SVIL: variants seen among roughly 807,000 people sequenced by gnomAD.
SVIL encodes supervillin, also known as archvillin.
SVIL carries 101 observed loss-of-function variants against 240.4 expected under a neutral mutation model. The observed-to-expected ratio is 0.42, with a 90% CI of 0.36 to 0.50. The LOEUF (loss-of-function observed/expected upper bound fraction) is 0.50, where lower values mean the gene tolerates loss of function less well. Ranked by LOEUF, SVIL falls within the 20% of genes least tolerant of loss-of-function variation. The pLI, the probability that SVIL is intolerant of heterozygous loss-of-function variation, is 0.01. For missense variants in SVIL, 2,512 were observed against 2,818.7 expected, an observed-to-expected ratio of 0.89 and a Z score of 2.46; for synonymous variants, 999 against 1,100.0, an observed-to-expected ratio of 0.91 and a Z score of 1.82.
At chr10:29,712,913 A>C (rs1564352076) in intron 1 of SVIL, among the ~76,000 whole-genome samples, 3 of 152,216 alleles carry the variant, frequency 2.0e-5, no homozygotes, top group Non-Finnish European at 4.4e-5. Context: ...ACGGTGGCTC[A>C]GGCCTGTAAT....
At chr10:29,725,028 C>CAAAAAAAAAAAA (rs1187861054) in intron 1 of SVIL, among the ~76,000 whole-genome samples, 2 of 40,942 alleles carry the variant, frequency 4.9e-5, no homozygotes, top group East Asian at 2.0e-3. Flanking sequence ...GACCCGGTCT[C>CAAAAAAAAAAAA]AAAAAAAAAA....
At chr10:29,686,779 ATCAATATTCC>A (rs1961097475) in intron 1 of SVIL, 1 of 152,230 alleles carries the variant, frequency 6.6e-6, no homozygotes, top group Non-Finnish European at 1.5e-5. Context: ...TTCTTACTTT[ATCAATATTCC>A]TCACTTCCAT....
chr10:29,718,395 A>C (rs1039808385), intron 1 of SVIL, among the ~76,000 whole-genome samples: 3 of 152,172 alleles, frequency 2.0e-5, no homozygotes, highest in Admixed American at 6.5e-5. Flanking sequence ...GTAAAATTAC[A>C]TATGTGGTTT....
intron 1 of SVIL, among the ~76,000 whole-genome samples, chr10:29,586,783 C>T (rs1190361073): frequency 6.6e-5 from 10 of 152,066 alleles, no homozygotes; most frequent in African/African-American, 1.4e-4. Context: ...GGAAAACTAA[C>T]GTAGGAACAG....
intron 1 of SVIL, among the ~76,000 whole-genome samples, chr10:29,707,112 C>T (rs1158025764): frequency 6.6e-6 from 1 of 152,080 alleles, no homozygotes; most frequent in African/African-American, 2.4e-5. Context: ...GATTATCTTG[C>T]CTATACGGGC....
chr10:29,580,886 G>T (rs1264971732), intron 1 of SVIL, among the ~76,000 whole-genome samples: 2 of 152,156 alleles, frequency 1.3e-5, no homozygotes, highest in African/African-American at 2.4e-5. Flanking sequence ...GGCCTGAAGT[G>T]ATTCTTCCAC....
chr10:29,725,778 G>C (rs1964249734), intron 1 of SVIL, among the ~76,000 whole-genome samples: 1 of 152,114 alleles, frequency 6.6e-6, no homozygotes, highest in Non-Finnish European at 1.5e-5. Flanking sequence ...AACAGAGTTG[G>C]CAAAACATTG....
upstream of SVIL, among the ~76,000 whole-genome samples, chr10:29,639,538 G>A (rs1030689196): frequency 2.7e-5 from 4 of 148,468 alleles, no homozygotes; most frequent in African/African-American, 1.0e-4. Flanking sequence ...GCACGATCTC[G>A]GCTCACTGCA....
intron 16 of SVIL, among the ~76,000 whole-genome samples, chr10:29,515,940 TG>T (rs1354253861): frequency 6.6e-6 from 1 of 152,076 alleles, no homozygotes; most frequent in East Asian, 1.9e-4. Flanking sequence ...CCTAAGACAC[TG>T]GGAATTGTTA....
intron 16 of SVIL, among the ~76,000 whole-genome samples, 184 bp from the exon 17 acceptor site, chr10:29,513,045 A>C (rs1241908139): frequency 6.6e-6 from 1 of 152,256 alleles, no homozygotes; most frequent in Non-Finnish European, 1.5e-5. Flanking sequence ...TCCCTTTTCT[A>C]AGATGGCCCG....
At chr10:29,566,199 G>T (rs1478259001) in intron 2 of SVIL, among the ~76,000 whole-genome samples, 1 of 151,886 alleles carries the variant, frequency 6.6e-6, no homozygotes, top group Admixed American at 6.6e-5. Flanking sequence ...GGCATAATTT[G>T]GAACACATCA....
chr10:29,620,727 T>C (rs1957599258), intron 1 of SVIL, among the ~76,000 whole-genome samples: 1 of 152,148 alleles, frequency 6.6e-6, no homozygotes, highest in African/African-American at 2.4e-5. Context: ...CAAATGATTC[T>C]CCTGCCTCAG....
chr10:29,584,418 C>T (rs1460719279), intron 1 of SVIL, among the ~76,000 whole-genome samples: 1 of 152,204 alleles, frequency 6.6e-6, no homozygotes, highest in Non-Finnish European at 1.5e-5. Context: ...CCCTGCCCTG[C>T]TGCCACCACT....
At chr10:29,610,945 A>C (rs565791692) in intron 1 of SVIL, among the ~76,000 whole-genome samples, 2 of 152,342 alleles carry the variant, frequency 1.3e-5, no homozygotes, top group South Asian at 4.1e-4. Context: ...TACCCAAAGC[A>C]CACTGGCCCC....
chr10:29,649,580 T>C (rs1280993439), intron 3 of SVIL, among the ~76,000 whole-genome samples: 7 of 152,248 alleles, frequency 4.6e-5, no homozygotes, highest in Middle Eastern at 6.8e-3. Context: ...CTGTATTCCA[T>C]ATAAGAAAAA....
chr10:29,554,752 T>C, intron 5 of SVIL, 31 bp downstream of exon 5: 1 of 1,507,698 alleles, frequency 6.6e-7, no homozygotes. Context: ...GGCAGCCTGC[T>C]GGAAAATGGG....
chr10:29,561,584 A>ATTTT (rs199711026), intron 3 of SVIL, among the ~76,000 whole-genome samples: 5 of 144,616 alleles, frequency 3.5e-5, no homozygotes, highest in Non-Finnish European at 3.0e-5. Flanking sequence ...CTCAGAGGAA[A>ATTTT]TTTTTTTTTT....
intron 1 of SVIL, among the ~76,000 whole-genome samples, chr10:29,701,955 C>T (rs570997065): frequency 1.3e-4 from 20 of 152,170 alleles, no homozygotes; most frequent in Non-Finnish European, 2.8e-4. Flanking sequence ...AGATGGATCA[C>T]CTGAGGTCAG....
At chr10:29,463,161 C>T (rs1045112472) in intron 35 of SVIL, among the ~76,000 whole-genome samples, 2 of 152,212 alleles carry the variant, frequency 1.3e-5, no homozygotes, top group African/African-American at 4.8e-5. Flanking sequence ...ACTTGTCTCT[C>T]AGCATGATCA....
Sources: gnomAD v4.1 joint callset for allele counts (sites outside exome capture counted in the v4.1 genomes callset) on GRCh38, gnomAD v4.1.1 for gene constraint, MANE v1.5 for transcripts, NCBI Gene and HGNC (gene_info 2026-07-23, HGNC 2026-07-21) for gene names.